Variants in PCDHA6 observed in about 807,000 individuals in gnomAD.
PCDHA6 encodes the protein protocadherin alpha 6, also known as protocadherin alpha-6.
PCDHA6 carries 55 observed loss-of-function variants against 60.3 expected under a neutral mutation model. The observed-to-expected ratio is 0.91, with a 90% CI of 0.73 to 1.14. PCDHA6 has a LOEUF of 1.14. PCDHA6 is among the 50% of genes most tolerant of loss of function. The probability of loss-of-function intolerance (pLI) is 0.00; values close to 1 mark genes in which losing one functional copy is unlikely to be tolerated. For synonymous variants in PCDHA6, 652 were observed against 557.9 expected (o/e 1.17, Z -2.38); for missense variants, 1,327 against 1,256.5 (o/e 1.06, Z -0.85).
intron 1 of PCDHA6, chr5:140,848,580 G>T: frequency 6.3e-7 from 1 of 1,595,144 alleles, no homozygotes; most frequent in Non-Finnish European, 8.6e-7. Context: ...GGTGGGGAGC[G>T]GCCAGCTCCA....
At chr5:140,883,024 A>G (rs782136244) in intron 1 of PCDHA6, 3 of 1,614,184 alleles carry the variant, frequency 1.9e-6, no homozygotes, top group Non-Finnish European at 2.5e-6. Context: ...TGACGGTGTT[A>G]GAGAACGCCT....
At chr5:140,841,695 A>C in intron 1 of PCDHA6, 1 of 1,613,932 alleles carries the variant, frequency 6.2e-7, no homozygotes, top group East Asian at 2.2e-5. Flanking sequence ...GAGGTGAAGG[A>C]TGTTAATGAC....
In PCDHA6 at chr5:140,856,327, G is replaced by A; in HGVS notation, c.2394+25842G>A. On this transcript the variant is annotated intron_variant, in intron 1 of 3. Transcript: ENST00000529310. ...TGAATTCTCGGATTGACCGCGAGGAGCTGTGCGGGCGGAGCGTGGAGTGCA... is the reference window on the plus strand; with the variant it reads ...TGAATTCTCGGATTGACCGCGAGGAACTGTGCGGGCGGAGCGTGGAGTGCA... The A allele has an allele frequency of 1.4e-5, 22 of 1,598,708 alleles. 1 individual carries two copies. Among genetic ancestry groups the A allele is most frequent in the South Asian group, 3.3e-5 (3 of 90,534 alleles).
chr5:140,993,906 C>T (rs1245923228), intron 3 of PCDHA6, among the ~76,000 whole-genome samples: 1 of 152,088 alleles, frequency 6.6e-6, no homozygotes, highest in Non-Finnish European at 1.5e-5. Flanking sequence ...AACAAAAATG[C>T]CTAGTGATGC....
chr5:140,884,459 G>T (rs530412188), intron 1 of PCDHA6: 2 of 1,613,754 alleles, frequency 1.2e-6, no homozygotes, highest in South Asian at 2.2e-5. Flanking sequence ...CACCGAGGGC[G>T]CGTGCGCGCC....
intron 1 of PCDHA6, among the ~76,000 whole-genome samples, chr5:140,893,033 A>G (rs1246631946): frequency 1.3e-5 from 2 of 152,230 alleles, no homozygotes; most frequent in African/African-American, 2.4e-5. Flanking sequence ...TTCACTTAAC[A>G]TATGCCCTCC....
intron 1 of PCDHA6, among the ~76,000 whole-genome samples, chr5:140,873,375 T>G (rs251375): frequency 0.44 from 67,180 of 152,024 alleles, 15,319 homozygotes; most frequent in South Asian, 0.58. Flanking sequence ...GAAGATCTTT[T>G]AAAGACTTGG....
At chr5:140,894,997 T>C (rs566489828) in intron 1 of PCDHA6, among the ~76,000 whole-genome samples, 4 of 152,178 alleles carry the variant, frequency 2.6e-5, no homozygotes, top group Non-Finnish European at 5.9e-5. Flanking sequence ...TCCTTTACCC[T>C]TTTTACTTGG....
chr5:140,970,873 A>G (rs138100298), intron 1 of PCDHA6, among the ~76,000 whole-genome samples: 80 of 152,316 alleles, frequency 5.3e-4, no homozygotes, highest in African/African-American at 1.8e-3. Context: ...GATTGAGAGT[A>G]GATTTTTCTC....
intron 3 of PCDHA6, among the ~76,000 whole-genome samples, chr5:141,003,410 C>T (rs1282162216): frequency 1.3e-5 from 2 of 152,110 alleles, no homozygotes; most frequent in Non-Finnish European, 2.9e-5. Flanking sequence ...CTCCCGGGTT[C>T]GAGTGATTCT....
chr5:140,937,599 A>T (rs2091614434), intron 1 of PCDHA6, among the ~76,000 whole-genome samples: 3 of 151,728 alleles, frequency 2.0e-5, no homozygotes, highest in African/African-American at 7.3e-5. Context: ...CCTGGGCAAC[A>T]GAGTGATACT....
At chr5:140,882,365 T>C (rs141224516) in intron 1 of PCDHA6, 1 of 1,614,208 alleles carries the variant, frequency 6.2e-7, no homozygotes, top group Non-Finnish European at 8.5e-7. Context: ...CCAGCTCCAC[T>C]ACTCCGTCCC....
intron 3 of PCDHA6, among the ~76,000 whole-genome samples, chr5:141,005,089 A>C (rs1554259886): frequency 6.6e-6 from 1 of 152,244 alleles, no homozygotes; most frequent in Non-Finnish European, 1.5e-5. Context: ...TTAGTACTTT[A>C]CATGCATTAC....
chr5:140,965,353 A>C (rs1255008521), intron 1 of PCDHA6, among the ~76,000 whole-genome samples: 1 of 152,172 alleles, frequency 6.6e-6, no homozygotes, highest in Non-Finnish European at 1.5e-5. Flanking sequence ...TTGCCTCTAT[A>C]GCAGTACAAG....
Position 140,869,675 on chromosome 5 carries a change from G to C in PCDHA6, c.2394+39190G>C, listed in dbSNP as rs1040647730. 3 of 1,613,268 alleles carry C rather than the reference G, an allele frequency of 1.9e-6. No homozygotes were observed. The South Asian group carries it at 3.3e-5, about 18-fold the overall frequency. Reference sequence around the variant, plus strand: ...CCAACAAATGGTAAGCAGATTAAAAGACTGTCACTTATTTTAAAGAAGTCT... The same window carrying C: ...CCAACAAATGGTAAGCAGATTAAAACACTGTCACTTATTTTAAAGAAGTCT... On this transcript the variant is annotated intron_variant, in intron 1 of 3. Transcript: ENST00000529310.
intron 1 of PCDHA6, chr5:140,857,350 G>C: frequency 6.3e-7 from 1 of 1,598,502 alleles, no homozygotes; most frequent in Non-Finnish European, 8.6e-7. Context: ...CGCCTCCGCT[G>C]TGGGCCACGG....
intron 1 of PCDHA6, chr5:140,843,437 G>A: frequency 6.3e-7 from 1 of 1,596,076 alleles, no homozygotes; most frequent in Non-Finnish European, 8.6e-7. Context: ...CGCCATCTGC[G>A]CGGTATCCAG....
At chr5:140,880,764 G>T (rs1438457004) in intron 1 of PCDHA6, among the ~76,000 whole-genome samples, 1 of 152,198 alleles carries the variant, frequency 6.6e-6, no homozygotes, top group Non-Finnish European at 1.5e-5. Context: ...GCGTGTTGGA[G>T]GCTAAAAAGA....
chr5:140,963,221 T>C (rs2095749324), intron 1 of PCDHA6, among the ~76,000 whole-genome samples: 1 of 151,808 alleles, frequency 6.6e-6, no homozygotes, highest in Admixed American at 6.6e-5. Context: ...GTGTTTAGAG[T>C]AGACACTGTT....
Sources: gnomAD v4.1 joint callset for allele counts (sites outside exome capture counted in the v4.1 genomes callset) on GRCh38, gnomAD v4.1.1 for gene constraint, MANE v1.5 for transcripts, NCBI Gene and HGNC (gene_info 2026-07-23, HGNC 2026-07-21) for gene names.